The following ACOX1 variants were observed in gnomAD, a reference collection of about 807,000 sequenced individuals.
ACOX1 encodes peroxisomal acyl-coenzyme A oxidase 1.
A neutral mutation model predicts 75.5 loss-of-function variants in ACOX1; 41 were observed. The observed-to-expected ratio is 0.54, with a 90% CI of 0.42 to 0.70. The LOEUF (loss-of-function observed/expected upper bound fraction) is 0.70, where lower values mean the gene tolerates loss of function less well. Ranked by LOEUF, ACOX1 falls within the 30% of genes least tolerant of loss-of-function variation. ACOX1 has a pLI of 0.00. For missense variants in ACOX1, 630 were observed against 837.5 expected (o/e 0.75, Z 3.06); for synonymous variants, 303 against 298.8 (o/e 1.01, Z -0.15).
chr17:75,961,545 G>A (rs536799784), intron 2 of ACOX1, among the ~76,000 whole-genome samples: 13 of 151,268 alleles, frequency 8.6e-5, no homozygotes, highest in East Asian at 2.0e-4. Context: ...CAAGGTGGGC[G>A]GATCACCTGA....
chr17:75,973,426 G>C (rs1342801008), intron 2 of ACOX1: 1 of 625,672 alleles, frequency 1.6e-6, no homozygotes, highest in East Asian at 2.8e-5. Flanking sequence ...GGAAATAACA[G>C]TGAATGACGT....
Position 75,967,511 on chromosome 17 carries a change from G to A in ACOX1, c.270-7136C>T, listed in dbSNP as rs537014370. ...AGAAAACTATCCAAGTTATGGAAAA[G>A]ATAAAATTTATACCTATGCAGAGAA... is the stretch of plus-strand genomic sequence containing the variant. On this transcript the variant is annotated intron_variant, in intron 2 of 13. Transcript: ENST00000293217. Among the ~76,000 whole-genome samples the A allele has an allele frequency of 4.9e-4, 73 of 149,002 alleles. 1 individual carries two copies. The South Asian group carries it at 0.013, about 27-fold the overall frequency.
chr17:75,946,674 C>A lies in ACOX1; in HGVS notation c.*74G>T. The A allele has an allele frequency of 7.4e-7, 1 of 1,355,040 alleles. No homozygotes were observed. The highest frequency in any genetic ancestry group is 1.7e-5 in the Admixed American group (1 of 57,998). The allele number at this position is 1,355,040 out of a possible 1,614,324, so 83.9% of individuals were successfully genotyped here. On this transcript the variant is annotated 3_prime_UTR_variant, in exon 14 of 14. Transcript: ENST00000293217. ...CATTTGCTCTATAGCTATTTGAATTCGAAAAAGATTCCACAAAATTTGAGT... is the reference window on the plus strand; with the variant it reads ...CATTTGCTCTATAGCTATTTGAATTAGAAAAAGATTCCACAAAATTTGAGT...
chr17:75,973,356 G>T (rs753038631), intron 2 of ACOX1: 20 of 485,592 alleles, frequency 4.1e-5, no homozygotes, highest in Non-Finnish European at 7.6e-5. Flanking sequence ...TAACATAATG[G>T]GGTTCCCCGC....
intron 2 of ACOX1, among the ~76,000 whole-genome samples, chr17:75,967,486 A>G (rs1053718708): frequency 4.6e-5 from 7 of 151,074 alleles, no homozygotes; most frequent in Non-Finnish European, 5.9e-5. Flanking sequence ...AAAACCCAGA[A>G]GAAAACTATC....
Position 75,978,811 on chromosome 17 carries a change from C to T in ACOX1, c.110-118G>A, listed in dbSNP as rs1362619425. 6.2e-7 allele frequency: 1 copy of T among 1,603,106 alleles called. No individual in the cohort carries two copies. Among genetic ancestry groups the T allele is most frequent in the Admixed American group, 1.7e-5 (1 of 59,488 alleles). ...CACACCTGGGGAATGGCGATATCCC[C>T]CCACCAGGGACACAGGCTGTTCCTC... On this transcript the variant is annotated intron_variant, in intron 1 of 13. Coordinates refer to ENST00000293217, the MANE Select transcript of ACOX1 (RefSeq NM_004035.7). The surrounding 1 kb of genome is among the most constrained non-coding windows in gnomAD (Gnocchi z 4.2).
Position 75,979,109 on chromosome 17 carries a change from C to A in ACOX1, c.-36G>T. ...AGCTGGCAGCGAAGTAAGCACCGACCGAGGTGGCAGTGACAATCTAAATCC... is the reference window on the plus strand; with the variant it reads ...AGCTGGCAGCGAAGTAAGCACCGACAGAGGTGGCAGTGACAATCTAAATCC... On this transcript the variant is annotated 5_prime_UTR_variant, in exon 1 of 14. Transcript: ENST00000293217. 1 of 1,606,842 alleles carries A rather than the reference C, an allele frequency of 6.2e-7. No homozygotes were observed. The highest frequency in any genetic ancestry group is 1.7e-5 in the Admixed American group (1 of 59,996).
At chr17:75,951,647 C>G (rs1381285095) in intron 7 of ACOX1, 70 bp from the exon 8 acceptor site, 1 of 1,498,342 alleles carries the variant, frequency 6.7e-7, no homozygotes, top group Non-Finnish European at 9.3e-7. Context: ...ATGCCAGGTT[C>G]TAATCTAAGC....
chr17:75,971,120 C>T (rs1223424564), intron 2 of ACOX1, among the ~76,000 whole-genome samples: 5 of 151,862 alleles, frequency 3.3e-5, no homozygotes, highest in South Asian at 2.1e-4. Flanking sequence ...GGAGAAACCC[C>T]GTCTCTACTG....
intron 4 of ACOX1, among the ~76,000 whole-genome samples, chr17:75,956,259 C>T (rs1383903950): frequency 2.6e-5 from 4 of 152,104 alleles, no homozygotes; most frequent in Non-Finnish European, 4.4e-5. Context: ...ACAGTAATCA[C>T]TAGCTACATG....
In ACOX1 at chr17:75,978,992, C is replaced by A. The variant is rs2144332125; in HGVS notation, c.82G>T (p.Glu28Ter). The A allele has an allele frequency of 6.2e-7, 1 of 1,611,178 alleles. No individual in the cohort carries two copies. Among genetic ancestry groups the A allele is most frequent in the Non-Finnish European group, 8.5e-7 (1 of 1,179,976 alleles). ...ATCTCTCGGCGGCGCCGGGTTTTCT[C>A]GGGGCTGCCGTCCAGGATGTGTGTA... ...LLTHILDGSP[E>*]KTRRRREIEN... The change falls in exon 1 of 14, where the codon GAG (glutamate) becomes TAG (stop). Residue 28 changes from glutamate to a stop codon, truncating the protein, a stop_gained. Coordinates refer to ENST00000293217, the MANE Select transcript of ACOX1 (RefSeq NM_004035.7). LOFTEE classifies it high-confidence loss of function. This position sits in a 1 kb window ranked among gnomAD's most constrained non-coding sequence, Gnocchi z 4.2.
chr17:75,951,965 C>T (rs1304092325), intron 7 of ACOX1, among the ~76,000 whole-genome samples: 1 of 152,114 alleles, frequency 6.6e-6, no homozygotes, highest in African/African-American at 2.4e-5. Flanking sequence ...CAGGCATGAG[C>T]CACGGTGCCT....
intron 2 of ACOX1, among the ~76,000 whole-genome samples, chr17:75,969,604 G>A (rs963121517): frequency 1.3e-5 from 2 of 152,168 alleles, no homozygotes; most frequent in African/African-American, 4.8e-5. Context: ...AGACTGTTAA[G>A]CCTAGGGAGA....
At chr17:75,967,636 A>G (rs1193010509) in intron 2 of ACOX1, among the ~76,000 whole-genome samples, 1 of 57,386 alleles carries the variant, frequency 1.7e-5, no homozygotes, top group South Asian at 4.3e-4. Context: ...ATATACATAC[A>G]TATATATACG....
rs955340531 is a variant in ACOX1, at chr17:75,973,524, G to A, written c.269+5010C>T. 4.7e-6 allele frequency: 6 copies of A among 1,263,566 alleles called. No homozygotes were observed. The Admixed American group carries it at 1.1e-4, about 23-fold the overall frequency. The allele number at this position is 1,263,566 out of a possible 1,614,324, so 78.3% of individuals were successfully genotyped here. The stretch of plus-strand genomic sequence containing the variant: ...ATTTTGACTTAACAACTTAAAAATA[G>A]AATCCCAAACAGGTAGCAGCAGAAA... On this transcript the variant is annotated intron_variant, in intron 2 of 13. Coordinates refer to ENST00000293217, the MANE Select transcript of ACOX1 (RefSeq NM_004035.7).
chr17:75,946,939 GCTCA>G, intron 13 of ACOX1, 144 bp from the exon 14 acceptor site: 1 of 729,140 alleles, frequency 1.4e-6, no homozygotes, highest in East Asian at 3.0e-5. Flanking sequence ...CACAATCTTG[GCTCA>G]CTACAGCCTC....
In ACOX1 at chr17:75,946,801, G is replaced by A; in HGVS notation, c.1936-6C>T. ...TGCTTGTAAGATTCGTGGACCTGTGGGGAAAGGAGAGAGAAGAACTACTAA... is the reference window on the plus strand; with the variant it reads ...TGCTTGTAAGATTCGTGGACCTGTGAGGAAAGGAGAGAGAAGAACTACTAA... On this transcript the variant is annotated splice_region_variant and splice_polypyrimidine_tract_variant and intron_variant, in intron 13 of 13. Transcript: ENST00000293217. 6.2e-7 allele frequency: 1 copy of A among 1,613,246 alleles called. No homozygotes were observed. Among genetic ancestry groups the A allele is most frequent in the Non-Finnish European group, 8.5e-7 (1 of 1,179,306 alleles).
At chr17:75,957,645 C>T (rs959363420) in intron 3 of ACOX1, 79 bp from the exon 4 acceptor site, 3 of 1,057,218 alleles carry the variant, frequency 2.8e-6, no homozygotes, top group Non-Finnish European at 4.4e-6. Context: ...CTGCACAGTC[C>T]TTTAAACTCT....
intron 2 of ACOX1, among the ~76,000 whole-genome samples, chr17:75,966,347 C>T (rs1443825831): frequency 6.6e-6 from 1 of 150,662 alleles, no homozygotes; most frequent in Non-Finnish European, 1.5e-5. Flanking sequence ...ATCCCAGCTA[C>T]TCAGGGGGCT....
Sources: allele counts gnomAD v4.1 joint callset (sites outside exome capture counted in the v4.1 genomes callset), GRCh38; gene constraint gnomAD v4.1.1; non-coding constraint Gnocchi (gnomAD v3.1); transcripts MANE v1.5; gene names NCBI Gene and HGNC (gene_info 2026-07-23, HGNC 2026-07-21).